Variants in TRPM7 observed in about 807,000 individuals in gnomAD.
The protein encoded by TRPM7 is transient receptor potential cation channel subfamily M member 7, also known as LTRPC ion channel family member 7.
In TRPM7, 134 loss-of-function variants were observed where a neutral mutation model predicts 229.7. That is an observed-to-expected ratio of 0.58 (90% CI 0.51 to 0.67). The LOEUF (loss-of-function observed/expected upper bound fraction) is 0.67, where lower values mean the gene tolerates loss of function less well. TRPM7 is among the 30% of genes least tolerant of loss of function. The pLI is 0.00. For missense variants in TRPM7, 1,901 were observed against 2,210.0 expected, an observed-to-expected ratio of 0.86 and a Z score of 2.80; for synonymous variants, 699 against 715.2, an observed-to-expected ratio of 0.98 and a Z score of 0.36.
intron 1 of TRPM7, among the ~76,000 whole-genome samples, chr15:50,676,720 T>C (rs1217228358): frequency 1.3e-5 from 2 of 152,138 alleles, no homozygotes; most frequent in African/African-American, 4.8e-5. Flanking sequence ...GTCCCCATCC[T>C]ATGCCTAGTG....
chr15:50,580,369 T>G (rs1469543480), intron 30 of TRPM7, among the ~76,000 whole-genome samples: 1 of 152,228 alleles, frequency 6.6e-6, no homozygotes, highest in Non-Finnish European at 1.5e-5. Flanking sequence ...AGATTGCCTA[T>G]AGTTTCCACT....
chr15:50,615,186 A>G (rs12442160), intron 13 of TRPM7, among the ~76,000 whole-genome samples: 25,730 of 144,094 alleles, frequency 0.18, 3,160 homozygotes, highest in East Asian at 0.46. Context: ...AAAAAAAAAA[A>G]AAAAGAGACA....
intron 7 of TRPM7, 145 bp downstream of exon 7, chr15:50,637,277 C>G: frequency 1.4e-6 from 1 of 717,878 alleles, no homozygotes; most frequent in African/African-American, 1.8e-5. Context: ...ATCATTTTGT[C>G]TAAGATCAAC....
Position 50,619,893 on chromosome 15 carries a change from T to C in TRPM7, c.1441-95A>G, listed in dbSNP as rs1204761731. ...TATGAACCTTCTTATACAAATTACATTGTTTTGGAGTTATTTCCTTAAGTT... is the reference window on the plus strand; with the variant it reads ...TATGAACCTTCTTATACAAATTACACTGTTTTGGAGTTATTTCCTTAAGTT... On this transcript the variant is annotated intron_variant, in intron 12 of 38. Coordinates refer to ENST00000646667, the MANE Select transcript of TRPM7 (RefSeq NM_017672.6). The C allele has an allele frequency of 1.3e-5, 14 of 1,077,576 alleles. No individual in the cohort carries two copies. In the South Asian group the frequency reaches 1.9e-4, roughly 14 times the overall value. The allele number at this position is 1,077,576 out of a possible 1,614,324, so 66.8% of individuals were successfully genotyped here.
Position 50,596,250 on chromosome 15 carries a change from C to A in TRPM7, c.3290+5G>T. 1.3e-6 allele frequency: 2 copies of A among 1,486,542 alleles called. No homozygotes were observed. The highest frequency in any genetic ancestry group is 2.8e-5 in the South Asian group (2 of 72,016). The allele number at this position is 1,486,542 out of a possible 1,614,324, so 92.1% of individuals were successfully genotyped here. ...TTATAACAAACAATTGAACAAAATT[C>A]TTACTTGAAAAATGCAATAAGAAGA... On this transcript the variant is annotated splice_donor_5th_base_variant and intron_variant, in intron 23 of 38. Coordinates refer to ENST00000646667, the MANE Select transcript of TRPM7 (RefSeq NM_017672.6).
intron 11 of TRPM7, among the ~76,000 whole-genome samples, chr15:50,626,236 CTT>C (rs1207417723): frequency 6.6e-6 from 1 of 151,902 alleles, no homozygotes; most frequent in East Asian, 1.9e-4. Context: ...TTTTTTCTGT[CTT>C]ATTACAATTA....
At chr15:50,604,038 G>GAATAGC (rs1227977250) in intron 21 of TRPM7, 1 of 152,062 alleles carries the variant, frequency 6.6e-6, no homozygotes, top group Non-Finnish European at 1.5e-5. Flanking sequence ...TCAGAATAAG[G>GAATAGC]AATAGCAATA....
intron 7 of TRPM7, among the ~76,000 whole-genome samples, chr15:50,635,027 GAC>G (rs2060846807): frequency 6.6e-6 from 1 of 151,908 alleles, no homozygotes; most frequent in African/African-American, 2.4e-5. Flanking sequence ...AGAAATTAAT[GAC>G]AGTCTTGGCC....
intron 1 of TRPM7, among the ~76,000 whole-genome samples, chr15:50,665,151 C>T (rs2061847912): frequency 6.6e-6 from 1 of 152,024 alleles, no homozygotes; most frequent in Non-Finnish European, 1.5e-5. Context: ...TACCTGCAAT[C>T]CGAGTACTTT....
At chr15:50,682,173 C>CAAAAAAAAAAAAAAAAAAAAAAAAAAAA (rs34590459) in intron 1 of TRPM7, among the ~76,000 whole-genome samples, 1 of 63,680 alleles carries the variant, frequency 1.6e-5, no homozygotes, top group Non-Finnish European at 2.8e-5. Context: ...AACTCAGTCT[C>CAAAAAAAAAAAAAAAAAAAAAAAAAAAA]AAAAAAAAAA....
chr15:50,636,302 T>C (rs1305415739), intron 7 of TRPM7, among the ~76,000 whole-genome samples: 1 of 151,954 alleles, frequency 6.6e-6, no homozygotes, highest in African/African-American at 2.4e-5. Context: ...ACAATTCTCC[T>C]GTCTCAGCCT....
At chr15:50,684,461 C>T (rs71395002) in intron 1 of TRPM7, among the ~76,000 whole-genome samples, 21,022 of 151,766 alleles carry the variant, frequency 0.14, 1,487 homozygotes, top group Middle Eastern at 0.2. Flanking sequence ...GCCAATATGA[C>T]GAAACCCCAT....
chr15:50,582,624 T>A (rs2054475732), intron 29 of TRPM7, among the ~76,000 whole-genome samples: 1 of 152,208 alleles, frequency 6.6e-6, no homozygotes, highest in Non-Finnish European at 1.5e-5. Context: ...TTCAATAACA[T>A]GATTTTAACA....
At chr15:50,577,259 G>C (rs533809911) in intron 31 of TRPM7, among the ~76,000 whole-genome samples, 100 of 152,206 alleles carry the variant, frequency 6.6e-4, no homozygotes, top group African/African-American at 2.4e-3. Context: ...GTGACCTTTA[G>C]AAAAATCAGG....
In TRPM7 at chr15:50,632,942, GT is replaced by G. The variant is rs1177791755; in HGVS notation, c.1057del (p.Thr353HisfsTer16). 1.9e-6 allele frequency: 3 copies of G among 1,605,320 alleles called. No individual in the cohort carries two copies. Among genetic ancestry groups the G allele is most frequent in the African/African-American group, 1.3e-5 (1 of 74,244 alleles). On this transcript the variant is annotated frameshift_variant, in exon 9 of 39. Transcript: ENST00000646667. LOFTEE classifies it high-confidence loss of function. Reference protein sequence around the residue: ...EPDIISTIKKTFNFGQNEALH... With the variant: ...EPDIISTIKKXFNFGQNEALH... ...TGCTTCATTCTGGCCAAAGTTAAAT[GT>G]TTTTTTGATAGTGGAAATAATATCG...
Position 50,569,867 on chromosome 15 carries a change from C to A in TRPM7, c.5467+20G>T, listed in dbSNP as rs780085422. The stretch of plus-strand genomic sequence containing the variant: ...GTTTCGTAACAATTTATATACTATA[C>A]TGATTAAGAAATTTTTTACCTGGAA... On this transcript the variant is annotated intron_variant, in intron 38 of 38. Coordinates refer to ENST00000646667, the MANE Select transcript of TRPM7 (RefSeq NM_017672.6). 3.9e-6 allele frequency: 6 copies of A among 1,544,270 alleles called. No homozygotes were observed. In the East Asian group the frequency reaches 1.4e-4, roughly 35 times the overall value.
chr15:50,572,247 C>T (rs1328386293), intron 36 of TRPM7, among the ~76,000 whole-genome samples: 2 of 152,172 alleles, frequency 1.3e-5, no homozygotes, highest in South Asian at 2.1e-4. Context: ...GATTGAGCTA[C>T]TGCACTCCAG....
At chr15:50,613,637 T>G in intron 15 of TRPM7, 70 bp downstream of exon 15, 1 of 1,332,428 alleles carries the variant, frequency 7.5e-7, no homozygotes, top group Non-Finnish European at 9.8e-7. Context: ...TTTTTTTTGT[T>G]TAATAATACT....
intron 11 of TRPM7, among the ~76,000 whole-genome samples, chr15:50,625,611 GA>G (rs1306791952): frequency 3.3e-5 from 5 of 151,926 alleles, no homozygotes; most frequent in Admixed American, 3.3e-4. Context: ...TTAAAATAGG[GA>G]CAGGTCTCAA....
Sources: gnomAD v4.1 joint callset for allele counts (sites outside exome capture counted in the v4.1 genomes callset) on GRCh38, gnomAD v4.1.1 for gene constraint, MANE v1.5 for transcripts, NCBI Gene and HGNC (gene_info 2026-07-23, HGNC 2026-07-21) for gene names.